The following AKR1B10 variants were observed in gnomAD, a reference collection of about 807,000 sequenced individuals.
AKR1B10 encodes ARP.
AKR1B10 carries 39 observed loss-of-function variants against 38.9 expected under a neutral mutation model. The observed-to-expected ratio is 1.00, with a 90% confidence interval of 0.78 to 1.31. The LOEUF (loss-of-function observed/expected upper bound fraction) is 1.31. Among genes scored for constraint, AKR1B10 ranks in the 50% most tolerant of loss-of-function variants. The probability of loss-of-function intolerance (pLI) is 0.00; values close to 1 mark genes in which losing one functional copy is unlikely to be tolerated. For synonymous variants in AKR1B10, 148 were observed against 141.2 expected (o/e 1.05, Z -0.34); for missense variants, 361 against 382.6 (o/e 0.94, Z 0.47).
In AKR1B10 at chr7:134,541,077, T is replaced by G. The variant is rs1808138880; in HGVS notation, c.939T>G (p.Asn313Lys). ...CTCATTTGGAAGACTATCCCTTCAA[T>G]GCAGAATATTGAGGTTGAATCTCCT... Reference protein sequence around the residue: ...QSSHLEDYPFNAEY With the variant: ...QSSHLEDYPFKAEY The change falls in exon 10 of 10, where the codon AAT becomes AAG. Residue 313 changes from asparagine (N) to lysine (K), a missense_variant. Physicochemically the swap from Asn to Lys is moderately conservative, Grantham distance 94. Coordinates refer to ENST00000359579, the MANE Select transcript of AKR1B10 (RefSeq NM_020299.5). 6.3e-7 allele frequency: 1 copy of G among 1,577,236 alleles called. No homozygotes were observed. Among genetic ancestry groups the G allele is most frequent in the African/African-American group, 1.4e-5 (1 of 73,948 alleles).
Position 134,541,127 on chromosome 7 carries a change from T to C in AKR1B10, c.*38T>C. On this transcript the variant is annotated 3_prime_UTR_variant, in exon 10 of 10. Coordinates refer to ENST00000359579, the MANE Select transcript of AKR1B10 (RefSeq NM_020299.5). ...TGGTGAGATTATACAGGAGATTCTC[T>C]TTCTTCGCTGAAGTGTGACTACCTC... The C allele has an allele frequency of 6.8e-7, 1 of 1,475,528 alleles. No homozygotes were observed. The highest frequency in any genetic ancestry group is 9.4e-7 in the Non-Finnish European group (1 of 1,062,848). The allele number at this position is 1,475,528 out of a possible 1,614,324, so 91.4% of individuals were successfully genotyped here. A position where few individuals can be genotyped will look rare whatever the true frequency, so the allele number is the denominator to read the frequency against.
chr7:134,539,506 TG>T (rs1257319413), intron 9 of AKR1B10, among the ~76,000 whole-genome samples: 1 of 152,134 alleles, frequency 6.6e-6, no homozygotes, highest in African/African-American at 2.4e-5. Flanking sequence ...TGGGTGGTAG[TG>T]GGACTGATCC....
intron 8 of AKR1B10, 81 bp downstream of exon 8, chr7:134,538,358 A>C (rs1438295717): frequency 5.5e-5 from 74 of 1,355,542 alleles, no homozygotes; most frequent in Admixed American, 7.3e-5. Flanking sequence ...TTCTCACCTC[A>C]TCGCTGCATT....
chr7:134,535,519 C>G, intron 4 of AKR1B10: 2 of 768,404 alleles, frequency 2.6e-6, no homozygotes, highest in Non-Finnish European at 3.2e-6. Flanking sequence ...TCGTGCTTAT[C>G]CCTGCCTCTG....
At chr7:134,530,513 G>A (rs1458778051) in intron 1 of AKR1B10, 130 bp from the exon 2 acceptor site, 4 of 954,364 alleles carry the variant, frequency 4.2e-6, no homozygotes, top group African/African-American at 3.3e-5. Flanking sequence ...TGAGAGTGGT[G>A]TAATTCCAGC....
Position 134,537,083 on chromosome 7 carries a change from A to T in AKR1B10, c.585A>T (p.Lys195Asn). ...GTCACCCATACCTCACACAGGAGAAACTGATCCAGTACTGCCACTCCAAGG... is the reference window on the plus strand; with the variant it reads ...GTCACCCATACCTCACACAGGAGAATCTGATCCAGTACTGCCACTCCAAGG... ...VECHPYLTQE[K>N]LIQYCHSKGI... The change falls in exon 6 of 10, where the codon AAA becomes AAT. Residue 195 changes from lysine to asparagine, a missense_variant. Physicochemically the swap from Lys to Asn is moderately conservative, Grantham distance 94. Transcript: ENST00000359579. The T allele has an allele frequency of 6.3e-7, 1 of 1,588,096 alleles. No homozygotes were observed. The highest frequency in any genetic ancestry group is 8.6e-7 in the Non-Finnish European group (1 of 1,166,478).
At chr7:134,532,692 T>C (rs1294198513) in intron 3 of AKR1B10, among the ~76,000 whole-genome samples, 8 of 152,292 alleles carry the variant, frequency 5.3e-5, no homozygotes, top group Admixed American at 3.9e-4. Context: ...TCCAGTAATA[T>C]TGAAATGAAA....
chr7:134,537,742 A>G (rs1296998926), intron 7 of AKR1B10, 81 bp downstream of exon 7: 28 of 1,534,310 alleles, frequency 1.8e-5, no homozygotes, highest in East Asian at 9.1e-5. Context: ...GTCCTCAACA[A>G]ACTCCTTAAA....
chr7:134,538,703 G>C (rs1808076292), intron 8 of AKR1B10, among the ~76,000 whole-genome samples: 1 of 152,168 alleles, frequency 6.6e-6, no homozygotes, highest in Admixed American at 6.5e-5. Context: ...GGGGTTTAGT[G>C]CCTGTGAGCC....
intron 9 of AKR1B10, 52 bp downstream of exon 9, chr7:134,539,069 A>ACCCTCTATTAGTT: frequency 1.2e-6 from 2 of 1,604,436 alleles, no homozygotes; most frequent in Non-Finnish European, 1.7e-6. Context: ...TTCTAAACTA[A>ACCCTCTATTAGTT]TAGAGGGTTA....
chr7:134,535,540 C>T (rs1807970694), intron 4 of AKR1B10: 3 of 916,098 alleles, frequency 3.3e-6, no homozygotes, highest in Non-Finnish European at 3.9e-6. Context: ...AGCTTTGCTC[C>T]TGCCTTCCTG....
At chr7:134,533,252 T>C (rs1807912492) in intron 4 of AKR1B10, among the ~76,000 whole-genome samples, 171 bp downstream of exon 4, 1 of 152,200 alleles carries the variant, frequency 6.6e-6, no homozygotes, top group East Asian at 1.9e-4. Context: ...GTACATCTGA[T>C]ACTATTTATA....
At chr7:134,529,547 G>A (rs543667495) in intron 1 of AKR1B10, among the ~76,000 whole-genome samples, 4 of 152,114 alleles carry the variant, frequency 2.6e-5, no homozygotes, top group Non-Finnish European at 4.4e-5. Context: ...GTAGCGTAGC[G>A]GTTGGGGGCA....
chr7:134,530,036 T>A (rs1807806539), intron 1 of AKR1B10, among the ~76,000 whole-genome samples: 1 of 150,334 alleles, frequency 6.7e-6, no homozygotes, highest in East Asian at 1.9e-4. Context: ...CTGGTGCTAT[T>A]TTTTTTTCCA....
chr7:134,536,777 A>G lies in AKR1B10; in HGVS notation c.552+5A>G, dbSNP rs56272174. On this transcript the variant is annotated splice_donor_5th_base_variant and intron_variant, in intron 5 of 9. Coordinates refer to ENST00000359579, the MANE Select transcript of AKR1B10 (RefSeq NM_020299.5). ...TATAAACCAGTGACTAACCAGGTAA[A>G]TTCTATTCAGTTTAAGGGTAAGGGT... 6.6e-4 allele frequency: 1,065 copies of G among 1,613,848 alleles called. 2 individuals carry two copies. Among genetic ancestry groups the G allele is most frequent in the Middle Eastern group, 5.0e-3 (30 of 6,050 alleles).
intron 9 of AKR1B10, among the ~76,000 whole-genome samples, chr7:134,540,185 T>C (rs1436571923): frequency 6.6e-6 from 1 of 151,730 alleles, no homozygotes; most frequent in Non-Finnish European, 1.5e-5. Flanking sequence ...GCCACTGCAC[T>C]CCATCCTGGG....
chr7:134,538,861 T>C (rs573508153), intron 8 of AKR1B10, 74 bp from the exon 9 acceptor site: 1 of 1,562,458 alleles, frequency 6.4e-7, no homozygotes, highest in East Asian at 2.3e-5. Flanking sequence ...CCCTCCCTGC[T>C]AGAATGGCCG....
At chr7:134,533,365 A>G (rs1251559459) in intron 4 of AKR1B10, among the ~76,000 whole-genome samples, 1 of 152,164 alleles carries the variant, frequency 6.6e-6, no homozygotes, top group African/African-American at 2.4e-5. Context: ...TTGGAACAGG[A>G]GGTTTGGGCC....
chr7:134,532,844 G>C (rs1807897615), intron 3 of AKR1B10, among the ~76,000 whole-genome samples, 160 bp from the exon 4 acceptor site: 1 of 152,156 alleles, frequency 6.6e-6, no homozygotes, highest in African/African-American at 2.4e-5. Flanking sequence ...TAGATACAGA[G>C]ATTTTAATTA....
Sources: gnomAD v4.1 joint callset for allele counts (sites outside exome capture counted in the v4.1 genomes callset) on GRCh38, gnomAD v4.1.1 for gene constraint, MANE v1.5 for transcripts, NCBI Gene and HGNC (gene_info 2026-07-23, HGNC 2026-07-21) for gene names.